The following GRM7 variants were observed in gnomAD, a reference collection of about 807,000 sequenced individuals.
GRM7 encodes metabotropic glutamate receptor 7.
Under a neutral mutation model 84.5 loss-of-function variants are expected in GRM7, and 35 were observed. The observed-to-expected ratio is 0.41, with a 90% CI of 0.32 to 0.55. The LOEUF (loss-of-function observed/expected upper bound fraction) is 0.55, where lower values mean the gene tolerates loss of function less well. Ranked by LOEUF, GRM7 falls within the 20% of genes least tolerant of loss-of-function variation. GRM7 has a pLI of 0.19. For synonymous variants in GRM7, 487 were observed against 455.1 expected, an observed-to-expected ratio of 1.07 and a Z score of -0.89; for missense variants, 1,003 against 1,194.6, an observed-to-expected ratio of 0.84 and a Z score of 2.36.
At chr3:7,600,078 A>C (rs1324374959) in intron 8 of GRM7, among the ~76,000 whole-genome samples, 1 of 152,134 alleles carries the variant, frequency 6.6e-6, no homozygotes, top group Non-Finnish European at 1.5e-5. Context: ...CATAGACACA[A>C]TTGCTATCTG....
chr3:6,873,952 G>A (rs974741863), intron 1 of GRM7, among the ~76,000 whole-genome samples: 1 of 152,208 alleles, frequency 6.6e-6, no homozygotes, highest in Non-Finnish European at 1.5e-5. Context: ...TACATCAGAA[G>A]GATAATCAGG....
intron 1 of GRM7, among the ~76,000 whole-genome samples, chr3:7,075,472 T>C (rs1023199851): frequency 1.5e-4 from 22 of 151,544 alleles, no homozygotes; most frequent in Non-Finnish European, 3.1e-4. Flanking sequence ...CTCTTTTCAC[T>C]ATCCAAAACT....
rs1463996993 is a variant in GRM7 at position 6,863,397 on chromosome 3, G to A, written c.519+1490G>A. On this transcript the variant is annotated intron_variant, in intron 1 of 9. Coordinates refer to ENST00000357716, the MANE Select transcript of GRM7 (RefSeq NM_000844.4). The surrounding 1 kb of genome is among the most constrained non-coding windows in gnomAD (Gnocchi z 4.8). ...GTGTTGGGCTTCAGAAGGGGACTCT[G>A]TGAGACCCAGGCTGTCATCACATCA... Among the ~76,000 whole-genome samples, 2 of 152,124 alleles carry A rather than the reference G, an allele frequency of 1.3e-5. No homozygotes were observed. Among genetic ancestry groups the A allele is most frequent in the Admixed American group, 6.5e-5 (1 of 15,274 alleles).
At chr3:7,627,503 C>G (rs568084875) in intron 8 of GRM7, among the ~76,000 whole-genome samples, 1 of 152,308 alleles carries the variant, frequency 6.6e-6, no homozygotes, top group African/African-American at 2.4e-5. Context: ...GCAGAAAGGT[C>G]AGCATGACAG....
intron 1 of GRM7, among the ~76,000 whole-genome samples, chr3:7,103,724 C>G (rs1036998421): frequency 1.3e-5 from 2 of 149,488 alleles, no homozygotes; most frequent in African/African-American, 5.0e-5. Context: ...ATTTTGTTTT[C>G]TCTCTTTTTC....
intron 7 of GRM7, among the ~76,000 whole-genome samples, chr3:7,478,354 C>A (rs1439096140): frequency 6.6e-6 from 1 of 152,120 alleles, no homozygotes; most frequent in Non-Finnish European, 1.5e-5. Context: ...GCAAGGTACT[C>A]ACTGGGTAAT....
chr3:7,322,462 G>A (rs942822750), intron 4 of GRM7, among the ~76,000 whole-genome samples: 1 of 151,546 alleles, frequency 6.6e-6, no homozygotes, highest in Non-Finnish European at 1.5e-5. Context: ...ACATGGATAC[G>A]TTCTTTAGTG....
At chr3:7,572,548 A>T (rs1048115416) in intron 7 of GRM7, among the ~76,000 whole-genome samples, 1 of 151,898 alleles carries the variant, frequency 6.6e-6, no homozygotes, top group African/African-American at 2.4e-5. Context: ...GGCTGGGCAC[A>T]GTGGCTCACG....
chr3:7,074,315 G>A (rs1697988485), intron 1 of GRM7, among the ~76,000 whole-genome samples: 1 of 152,080 alleles, frequency 6.6e-6, no homozygotes, highest in Non-Finnish European at 1.5e-5. Flanking sequence ...TCAACACAGA[G>A]TTAAGTTCAT....
At position 7,031,033 on chromosome 3, in the gene GRM7, C is replaced by A. The variant is rs544390631; in HGVS notation, c.520-115419C>A. Among the ~76,000 whole-genome samples the A allele has an allele frequency of 5.9e-5, 9 of 152,232 alleles. No homozygotes were observed. The East Asian group carries it at 1.7e-3, about 29-fold the overall frequency. The stretch of plus-strand genomic sequence containing the variant: ...ATGTTTGTAGCAAGAAATACTTTGA[C>A]ATTTTTATAAGGCATATTCATAAAC... On this transcript the variant is annotated intron_variant, in intron 1 of 9. Coordinates refer to ENST00000357716, the MANE Select transcript of GRM7 (RefSeq NM_000844.4).
chr3:7,327,245 C>A (rs1010299448), intron 4 of GRM7, among the ~76,000 whole-genome samples: 1 of 152,168 alleles, frequency 6.6e-6, no homozygotes, highest in African/African-American at 2.4e-5. Flanking sequence ...GTATTTTAAA[C>A]ATGGGCTCCA....
intron 5 of GRM7, among the ~76,000 whole-genome samples, chr3:7,439,688 G>A (rs1305361698): frequency 6.6e-5 from 10 of 152,184 alleles, no homozygotes; most frequent in Non-Finnish European, 8.8e-5. Flanking sequence ...GCATTGGGAA[G>A]TAAGAAGGAC....
chr3:7,597,365 A>T (rs1360629226), intron 8 of GRM7, among the ~76,000 whole-genome samples: 2 of 152,148 alleles, frequency 1.3e-5, no homozygotes, highest in African/African-American at 4.8e-5. Context: ...CATCTCCCAC[A>T]CTGGGGATTA....
At chr3:7,628,572 T>C (rs921255488) in intron 8 of GRM7, among the ~76,000 whole-genome samples, 1 of 152,238 alleles carries the variant, frequency 6.6e-6, no homozygotes, top group African/African-American at 2.4e-5. Flanking sequence ...TGTTTCTTCA[T>C]TGTAAAATAA....
chr3:7,535,223 T>A (rs1171579836), intron 7 of GRM7: 1 of 151,324 alleles, frequency 6.6e-6, no homozygotes, highest in Non-Finnish European at 1.5e-5. Context: ...AATGAGACAA[T>A]CATGACTGAC....
chr3:7,376,039 C>T (rs1694335730), intron 4 of GRM7, among the ~76,000 whole-genome samples: 1 of 152,022 alleles, frequency 6.6e-6, no homozygotes, highest in African/African-American at 2.4e-5. Context: ...TGATATTGTC[C>T]CAGGTATACC....
At position 7,306,632 on chromosome 3, in the gene GRM7, C is replaced by T. The variant is rs750463229; in HGVS notation, c.1013C>T (p.Pro338Leu). Residue 338 changes from proline to leucine, a missense_variant, in exon 4 of 10, where the codon CCC (proline) becomes CTC (leucine). Physicochemically the swap from Pro to Leu is moderately conservative, Grantham distance 98. Around this residue, in one of 2 missense-constraint regions of GRM7, gnomAD observed 910 missense variants for 1,126.0 expected, o/e 0.81. Transcript: ENST00000357716. ...GCAGAAGGGGCCATCACCATTCAGCCCAAGCGAGCCACGGTGGAAGGTATG... is the reference window on the plus strand; with the variant it reads ...GCAGAAGGGGCCATCACCATTCAGCTCAAGCGAGCCACGGTGGAAGGTATG... ...DIAEGAITIQPKRATVEGFDA... is the reference protein window; with the variant it reads ...DIAEGAITIQLKRATVEGFDA... 3.7e-6 allele frequency: 6 copies of T among 1,606,288 alleles called. No individual in the cohort carries two copies. In the Admixed American group the frequency reaches 5.1e-5, roughly 14 times the overall value.
rs115925592 is a variant in GRM7 at position 6,920,267 on chromosome 3, T to C, written c.519+58360T>C. Among the ~76,000 whole-genome samples, 1,344 of 152,172 alleles carry C rather than the reference T, an allele frequency of 8.8e-3. 22 individuals carry two copies. The highest frequency in any genetic ancestry group is 0.031 in the African/African-American group (1,272 of 41,524). On this transcript the variant is annotated intron_variant, in intron 1 of 9. Transcript: ENST00000357716. ...ATCCCTAAATTAACAAAAATGATGATTGATGGGCCAGGCACAGTGGCTCAC... is the reference window on the plus strand; with the variant it reads ...ATCCCTAAATTAACAAAAATGATGACTGATGGGCCAGGCACAGTGGCTCAC...
chr3:7,084,851 G>T (rs1698388754), intron 1 of GRM7, among the ~76,000 whole-genome samples: 1 of 152,142 alleles, frequency 6.6e-6, no homozygotes, highest in African/African-American at 2.4e-5. Context: ...TAAAAAATTA[G>T]CTCAAGAAGA....
Sources: gnomAD v4.1 joint callset for allele counts (sites outside exome capture counted in the v4.1 genomes callset) on GRCh38, gnomAD v4.1.1 for gene constraint, gnomAD v4.1.1 regional missense constraint, Gnocchi (gnomAD v3.1) non-coding constraint, MANE v1.5 for transcripts, NCBI Gene and HGNC (gene_info 2026-07-23, HGNC 2026-07-21) for gene names.